Variants in BLTP1 observed in about 807,000 individuals in gnomAD.
BLTP1 encodes the protein bridge-like lipid transfer protein family member 1, also known as fragile site-associated protein.
the BLTP1 span, chr4:122,331,621 C>T: frequency 5.4e-6 from 8 of 1,478,710 alleles, no homozygotes; most frequent in South Asian, 9.9e-5. Context: ...TTATAACAAA[C>T]TTCTCCATCC....
the BLTP1 span, among the ~76,000 whole-genome samples, chr4:122,228,048 G>A: frequency 1.3e-5 from 2 of 151,776 alleles, no homozygotes; most frequent in South Asian, 4.2e-4. Context: ...CGAGTAGCTG[G>A]GACTACAGGC....
the BLTP1 span, chr4:122,344,206 TA>T: frequency 4.6e-6 from 2 of 436,590 alleles, no homozygotes; most frequent in Non-Finnish European, 6.1e-6. Flanking sequence ...TTGAACCTCT[TA>T]AATTGTTGTT....
At chr4:122,207,946 A>C in the BLTP1 span, 2 of 982,854 alleles carry the variant, frequency 2.0e-6, no homozygotes, top group Non-Finnish European at 2.4e-6. Flanking sequence ...CATATGAACT[A>C]ATTTTATACT....
the BLTP1 span, among the ~76,000 whole-genome samples, chr4:122,355,354 A>C: frequency 6.6e-6 from 1 of 152,008 alleles, no homozygotes; most frequent in Non-Finnish European, 1.5e-5. Context: ...TTAATCTCAA[A>C]TTCTTTAAGA....
the BLTP1 span, chr4:122,227,558 A>G: frequency 1.3e-6 from 1 of 786,066 alleles, no homozygotes; most frequent in Non-Finnish European, 1.5e-6. Context: ...ACAGTGGTTA[A>G]CAACTTAGTT....
the BLTP1 span, chr4:122,243,045 G>C: frequency 2.5e-6 from 4 of 1,612,452 alleles, no homozygotes; most frequent in African/African-American, 5.3e-5. Flanking sequence ...ACAGAGGCAT[G>C]CAACTTTCAG....
the BLTP1 span, among the ~76,000 whole-genome samples, chr4:122,216,941 A>T: frequency 5.3e-5 from 8 of 152,250 alleles, no homozygotes; most frequent in Admixed American, 2.6e-4. Flanking sequence ...TTTTTCTATA[A>T]GGTGACAGAA....
At chr4:122,261,180 T>C in the BLTP1 span, 29 of 500,840 alleles carry the variant, frequency 5.8e-5, no homozygotes, top group East Asian at 4.0e-3. Flanking sequence ...TAGTTTGATA[T>C]ACTTTAAAAA....
the BLTP1 span, chr4:122,229,326 GT>G: frequency 8.2e-6 from 9 of 1,093,670 alleles, no homozygotes; most frequent in Non-Finnish European, 1.1e-5. Flanking sequence ...CACATTTATA[GT>G]TTGTCATCTC....
chr4:122,264,444 T>C, the BLTP1 span: 38 of 1,580,594 alleles, frequency 2.4e-5, no homozygotes, highest in Non-Finnish European at 3.3e-5. Flanking sequence ...CAGCCTGCTT[T>C]TTCCTAATTA....
At chr4:122,182,912 A>C in the BLTP1 span, 1 of 984,826 alleles carries the variant, frequency 1.0e-6, no homozygotes, top group African/African-American at 1.7e-5. Context: ...TTTATCAAAA[A>C]CCACCTCTTT....
At chr4:122,227,897 G>A in the BLTP1 span, 1 of 147,044 alleles carries the variant, frequency 6.8e-6, no homozygotes, top group African/African-American at 2.5e-5. Flanking sequence ...TTAACTTGAA[G>A]TTTTTATGTT....
At chr4:122,175,035 G>A in the BLTP1 span, 28,544 of 940,108 alleles carry the variant, frequency 0.03, 557 homozygotes, top group East Asian at 0.13. Flanking sequence ...GAATTGTTTA[G>A]CATTTGTTAG....
At chr4:122,324,048 A>C in the BLTP1 span, among the ~76,000 whole-genome samples, 1 of 151,954 alleles carries the variant, frequency 6.6e-6, no homozygotes, top group Non-Finnish European at 1.5e-5. Flanking sequence ...CCTTGGAGAA[A>C]AGTGATCTTT....
the BLTP1 span, among the ~76,000 whole-genome samples, chr4:122,218,885 A>G: frequency 2.6e-5 from 4 of 152,356 alleles, no homozygotes; most frequent in South Asian, 8.3e-4. Flanking sequence ...AACATGCCCA[A>G]TAAATATTCC....
At chr4:122,289,259 A>G in the BLTP1 span, 1 of 1,121,128 alleles carries the variant, frequency 8.9e-7, no homozygotes. Context: ...GTGATATCCC[A>G]TATATCTGTG....
chr4:122,153,059 G>T, the BLTP1 span: 1 of 983,748 alleles, frequency 1.0e-6, no homozygotes, highest in Non-Finnish European at 1.2e-6. Flanking sequence ...GGTGCTTGCT[G>T]CACTGCACTC....
chr4:122,286,275 TAA>T, the BLTP1 span: 2 of 203,198 alleles, frequency 9.8e-6, no homozygotes, highest in Non-Finnish European at 1.7e-5. Flanking sequence ...ATAAAGAACA[TAA>T]GTGTTTTTCT....
the BLTP1 span, among the ~76,000 whole-genome samples, chr4:122,343,067 C>T: frequency 1.3e-5 from 2 of 152,138 alleles, no homozygotes; most frequent in Non-Finnish European, 2.9e-5. Context: ...TGTTCTCCCC[C>T]ACTTTGCTTA....
Sources: gnomAD v4.1 joint callset for allele counts (sites outside exome capture counted in the v4.1 genomes callset) on GRCh38, gnomAD v4.1.1 for gene constraint, MANE v1.5 for transcripts, NCBI Gene and HGNC (gene_info 2026-07-23, HGNC 2026-07-21) for gene names.